Variants in ORC5 observed in about 807,000 individuals in gnomAD.
ORC5 encodes origin recognition complex subunit 5.
ORC5 carries 39 observed loss-of-function variants against 58.8 expected under a neutral mutation model. The ratio of observed to expected loss-of-function variants is 0.66; its 90% CI spans 0.51 to 0.87. The LOEUF is 0.87. Among genes scored for constraint, ORC5 ranks in the 40% least tolerant of loss-of-function variants. ORC5 has a pLI of 0.00. For missense variants in ORC5, 493 were observed against 506.3 expected (o/e 0.97, Z 0.25); for synonymous variants, 218 against 177.6 (o/e 1.23, Z -1.81).
At chr7:104,190,300 G>C (rs1799645517) in intron 5 of ORC5, among the ~76,000 whole-genome samples, 1 of 151,882 alleles carries the variant, frequency 6.6e-6, no homozygotes, top group African/African-American at 2.4e-5. Flanking sequence ...AAATCAACTA[G>C]GAAGAAAAAG....
chr7:104,163,761 G>A (rs1259236308), intron 11 of ORC5, among the ~76,000 whole-genome samples: 1 of 152,192 alleles, frequency 6.6e-6, no homozygotes, highest in Non-Finnish European at 1.5e-5. Context: ...AAAGTGCTGG[G>A]ACTACAGGTG....
intron 12 of ORC5, among the ~76,000 whole-genome samples, chr7:104,143,252 C>G (rs1297319539): frequency 6.6e-6 from 1 of 151,976 alleles, no homozygotes; most frequent in East Asian, 1.9e-4. Context: ...CCTGTTAATT[C>G]GAACACTCAC....
chr7:104,207,325 T>C (rs917434075), intron 1 of ORC5, among the ~76,000 whole-genome samples: 1 of 152,170 alleles, frequency 6.6e-6, no homozygotes, highest in African/African-American at 2.4e-5. Flanking sequence ...GAGAAAAGTT[T>C]ACCCTAGACC....
At chr7:104,191,146 C>T (rs1799667298) in intron 5 of ORC5, among the ~76,000 whole-genome samples, 1 of 146,268 alleles carries the variant, frequency 6.8e-6, no homozygotes, top group Non-Finnish European at 1.5e-5. Context: ...CCAAAACTTC[C>T]CTGTAGAGTC....
intron 8 of ORC5, among the ~76,000 whole-genome samples, chr7:104,178,736 G>A (rs1169611897): frequency 6.6e-6 from 1 of 152,050 alleles, no homozygotes; most frequent in Non-Finnish European, 1.5e-5. Flanking sequence ...TTTTGTATAA[G>A]ATGTATGAAG....
At chr7:104,137,432 G>C (rs914178011) in intron 12 of ORC5, among the ~76,000 whole-genome samples, 3 of 152,044 alleles carry the variant, frequency 2.0e-5, no homozygotes, top group Non-Finnish European at 4.4e-5. Context: ...AGAAGGCCAT[G>C]GTCCCTGGCT....
At chr7:104,142,622 T>G (rs1418599395) in intron 12 of ORC5, among the ~76,000 whole-genome samples, 1 of 152,002 alleles carries the variant, frequency 6.6e-6, no homozygotes, top group Non-Finnish European at 1.5e-5. Context: ...ACATATAAAA[T>G]GGAAGCACAT....
At chr7:104,128,046 GTTATT>G (rs1785699298) in intron 13 of ORC5, among the ~76,000 whole-genome samples, 3 of 152,166 alleles carry the variant, frequency 2.0e-5, no homozygotes, top group South Asian at 4.1e-4. Context: ...AAATCATAAA[GTTATT>G]TTATATGTTT....
chr7:104,188,684 A>G (rs977213626), intron 5 of ORC5, among the ~76,000 whole-genome samples: 3 of 152,096 alleles, frequency 2.0e-5, no homozygotes, highest in Non-Finnish European at 2.9e-5. Flanking sequence ...ACATACCTCA[A>G]TTTATACTAA....
chr7:104,128,664 T>C (rs1584472531), intron 13 of ORC5, among the ~76,000 whole-genome samples: 1 of 114,448 alleles, frequency 8.7e-6, no homozygotes, highest in Non-Finnish European at 1.8e-5. Context: ...CCTAATGCTA[T>C]CCCTCCCCCC....
At chr7:104,187,795 A>G (rs1562824667) in intron 6 of ORC5, 1 of 984,882 alleles carries the variant, frequency 1.0e-6, no homozygotes, top group Non-Finnish European at 1.2e-6. Flanking sequence ...AAGACCTGCA[A>G]TGAAAGCTTC....
intron 4 of ORC5, among the ~76,000 whole-genome samples, chr7:104,197,205 C>T (rs1429314237): frequency 2.0e-5 from 3 of 152,174 alleles, no homozygotes; most frequent in Admixed American, 2.0e-4. Flanking sequence ...GAAGAACCTG[C>T]TGTAGGCTAG....
In ORC5 at chr7:104,138,430, T is replaced by C. The variant is rs1798623740; in HGVS notation, c.1150-1537A>G. 6.6e-6 allele frequency among the ~76,000 whole-genome samples: 1 copy of C among 152,150 alleles called. No homozygotes were observed. Among genetic ancestry groups the C allele is most frequent in the African/African-American group, 2.4e-5 (1 of 41,432 alleles). On this transcript the variant is annotated intron_variant, in intron 12 of 13. Transcript: ENST00000297431. This position sits in a 1 kb window ranked among gnomAD's most constrained non-coding sequence, Gnocchi z 4.7. Reference sequence around the variant, plus strand: ...GATTTAGGTCTTTTTAAGAGTTAGGTAGCTGGTTAGATGAGAGATAAGAAA... The same window carrying C: ...GATTTAGGTCTTTTTAAGAGTTAGGCAGCTGGTTAGATGAGAGATAAGAAA...
chr7:104,202,687 G>T, intron 2 of ORC5: 1 of 326,216 alleles, frequency 3.1e-6, no homozygotes, highest in South Asian at 2.5e-5. Context: ...CATATATTTT[G>T]GGGGCACTTC....
chr7:104,182,374 C>G (rs1013390773), intron 8 of ORC5, among the ~76,000 whole-genome samples: 1 of 152,102 alleles, frequency 6.6e-6, no homozygotes, highest in East Asian at 1.9e-4. Context: ...TAATGCCTAC[C>G]ATTTTCACTT....
intron 8 of ORC5, among the ~76,000 whole-genome samples, chr7:104,171,131 A>C (rs1799203901): frequency 6.6e-6 from 1 of 152,240 alleles, no homozygotes; most frequent in Non-Finnish European, 1.5e-5. Flanking sequence ...TCAAACTTAA[A>C]GAATGCTTTC....
At chr7:104,183,827 A>G (rs1457338701) in intron 8 of ORC5, 116 bp downstream of exon 8, 2 of 690,948 alleles carry the variant, frequency 2.9e-6, no homozygotes, top group Non-Finnish European at 4.8e-6. Flanking sequence ...TGCAATGCCA[A>G]TCCTCAAACA....
intron 11 of ORC5, among the ~76,000 whole-genome samples, chr7:104,163,787 A>G (rs904180370): frequency 2.6e-5 from 4 of 152,160 alleles, no homozygotes; most frequent in African/African-American, 9.7e-5. Context: ...CACCCCGCCC[A>G]GCCGGGATTT....
chr7:104,190,880 T>C (rs931070104), intron 5 of ORC5, among the ~76,000 whole-genome samples: 3 of 152,016 alleles, frequency 2.0e-5, no homozygotes, highest in African/African-American at 7.2e-5. Flanking sequence ...CATTGGCCCT[T>C]GATTTTAACC....
Sources: gnomAD v4.1 joint callset for allele counts (sites outside exome capture counted in the v4.1 genomes callset) on GRCh38, gnomAD v4.1.1 for gene constraint, Gnocchi (gnomAD v3.1) non-coding constraint, MANE v1.5 for transcripts, NCBI Gene and HGNC (gene_info 2026-07-23, HGNC 2026-07-21) for gene names.